The following MAGI1 variants were observed in gnomAD, a reference collection of about 807,000 sequenced individuals.
MAGI1 encodes membrane associated guanylate kinase, WW and PDZ domain containing 1.
MAGI1 carries 58 observed loss-of-function variants against 139.9 expected under a neutral mutation model. The ratio of observed to expected loss-of-function variants is 0.41; its 90% CI spans 0.34 to 0.52. The LOEUF (loss-of-function observed/expected upper bound fraction) is 0.52, where lower values mean the gene tolerates loss of function less well. Among genes scored for constraint, MAGI1 ranks in the 20% least tolerant of loss-of-function variants. The pLI is 0.12. For synonymous variants in MAGI1, 812 were observed against 737.9 expected, an observed-to-expected ratio of 1.10 and a Z score of -1.63; for missense variants, 1,874 against 1,901.6, an observed-to-expected ratio of 0.99 and a Z score of 0.27.
At chr3:66,028,617 T>C (rs1265197767) in intron 1 of MAGI1, among the ~76,000 whole-genome samples, 1 of 152,074 alleles carries the variant, frequency 6.6e-6, no homozygotes, top group East Asian at 1.9e-4. Flanking sequence ...TCATCGTTGA[T>C]GGTAAAAGCC....
intron 1 of MAGI1, among the ~76,000 whole-genome samples, chr3:65,761,458 C>A (rs1301305639): frequency 6.6e-6 from 1 of 152,148 alleles, no homozygotes; most frequent in South Asian, 2.1e-4. Flanking sequence ...TTCAGAACTG[C>A]AGCAAAATGC....
At chr3:65,967,775 T>A (rs1282506686) in intron 1 of MAGI1, among the ~76,000 whole-genome samples, 1 of 152,192 alleles carries the variant, frequency 6.6e-6, no homozygotes, top group Admixed American at 6.5e-5. Context: ...GTTAACAGAT[T>A]TCAACTTCTC....
At chr3:65,817,143 T>G (rs2041656894) in intron 1 of MAGI1, among the ~76,000 whole-genome samples, 1 of 152,194 alleles carries the variant, frequency 6.6e-6, no homozygotes, top group South Asian at 2.1e-4. Context: ...TATTATACAT[T>G]CCTTAATTTG....
chr3:65,623,873 A>C (rs1303747064), intron 1 of MAGI1, among the ~76,000 whole-genome samples: 2 of 152,152 alleles, frequency 1.3e-5, no homozygotes, highest in Non-Finnish European at 2.9e-5. Flanking sequence ...CATATATTCA[A>C]ACCAATCTTA....
chr3:65,786,608 A>ATTTTTTTTTTTTT (rs34768515), intron 1 of MAGI1, among the ~76,000 whole-genome samples: 2 of 128,372 alleles, frequency 1.6e-5, no homozygotes, highest in African/African-American at 3.0e-5. Flanking sequence ...TGGCCCAAGA[A>ATTTTTTTTTTTTT]TTTTTTTTTT....
chr3:65,508,856 T>TG (rs1324649621), intron 2 of MAGI1, among the ~76,000 whole-genome samples: 5 of 152,158 alleles, frequency 3.3e-5, no homozygotes, highest in Non-Finnish European at 7.3e-5. Flanking sequence ...TTCTCACTCT[T>TG]GGGTTCCATC....
intron 1 of MAGI1, among the ~76,000 whole-genome samples, chr3:65,998,097 T>C (rs1452996001): frequency 6.8e-6 from 1 of 147,642 alleles, no homozygotes; most frequent in Non-Finnish European, 1.5e-5. Context: ...AGCTAGACTC[T>C]GTCTCGGGAA....
chr3:65,753,112 G>T (rs1253737024), intron 1 of MAGI1, among the ~76,000 whole-genome samples: 3 of 152,074 alleles, frequency 2.0e-5, no homozygotes, highest in Admixed American at 6.5e-5. Context: ...AGGAACTTAC[G>T]TCATAGTGCA....
At chr3:65,521,760 G>C (rs1392270624) in intron 2 of MAGI1, among the ~76,000 whole-genome samples, 1 of 152,084 alleles carries the variant, frequency 6.6e-6, no homozygotes, top group Admixed American at 6.6e-5. Context: ...ATGTTGTAAG[G>C]CATTAGAAAG....
Position 65,530,662 on chromosome 3 carries a change from T to TAC in MAGI1, c.431-37032_431-37031insGT, listed in dbSNP as rs1491329024. On this transcript the variant is annotated intron_variant, in intron 2 of 22. Transcript: ENST00000402939. ...GTGTGTGTGTGTGTGTGTGTGTGTG[T>TAC]ATATATATATACATATATATATACG... is the stretch of plus-strand genomic sequence containing the variant. Among the ~76,000 whole-genome samples the TAC allele has an allele frequency of 6.0e-3, 764 of 126,554 alleles. 26 individuals carry two copies. The highest frequency in any genetic ancestry group is 0.024 in the African/African-American group (726 of 30,138). 83.0% of individuals were successfully genotyped at this position (126,554 alleles called of 152,430 possible).
intron 2 of MAGI1, among the ~76,000 whole-genome samples, chr3:65,558,774 A>AT (rs1250140154): frequency 6.6e-6 from 1 of 152,154 alleles, no homozygotes; most frequent in African/African-American, 2.4e-5. Flanking sequence ...GCAATCTACA[A>AT]TTTTAACCAC....
chr3:65,993,106 C>G (rs921875355), intron 1 of MAGI1, among the ~76,000 whole-genome samples: 1 of 152,138 alleles, frequency 6.6e-6, no homozygotes, highest in Admixed American at 6.5e-5. Flanking sequence ...GCTGGGACTA[C>G]ATGCACCTGG....
In MAGI1 at chr3:65,923,488, G is replaced by C. The variant is rs983035394; in HGVS notation, c.313+114508C>G. ...GATCCGCCCACCTCGGCCTCCCAAA[G>C]TGCTGGGATTACAGGCATGAGCCAC... On this transcript the variant is annotated intron_variant, in intron 1 of 22. Transcript: ENST00000402939. Among the ~76,000 whole-genome samples the C allele has an allele frequency of 2.0e-5, 3 of 152,024 alleles. No homozygotes were observed. In the East Asian group the frequency reaches 5.8e-4, roughly 29 times the overall value.
rs72891201 is a variant in MAGI1, at chr3:65,503,598, T to C, written c.431-9967A>G. Among the ~76,000 whole-genome samples, 416 of 150,986 alleles carry C rather than the reference T, an allele frequency of 2.8e-3. 1 individual carries two copies. The highest frequency in any genetic ancestry group is 9.2e-3 in the African/African-American group (384 of 41,514). On this transcript the variant is annotated intron_variant, in intron 2 of 22. Coordinates refer to ENST00000402939, the MANE Select transcript of MAGI1 (RefSeq NM_001033057.2). ...TATTTTATTCCAGCTATAACTTGCA[T>C]GTTTGGGATCAGCAGACCATTTCAG...
chr3:65,686,759 T>C (rs1308253262), intron 1 of MAGI1, among the ~76,000 whole-genome samples: 1 of 152,214 alleles, frequency 6.6e-6, no homozygotes, highest in East Asian at 1.9e-4. Context: ...GAACCAAGAA[T>C]CTTCCTTCAT....
At chr3:65,898,256 G>A (rs987848556) in intron 1 of MAGI1, among the ~76,000 whole-genome samples, 2 of 151,944 alleles carry the variant, frequency 1.3e-5, no homozygotes, top group East Asian at 3.9e-4. Flanking sequence ...GCATAACATC[G>A]AATTTTTATT....
At chr3:65,611,690 CAT>C (rs1000013278) in intron 2 of MAGI1, among the ~76,000 whole-genome samples, 5 of 134,440 alleles carry the variant, frequency 3.7e-5, no homozygotes, top group African/African-American at 1.4e-4. Context: ...TAGTGTCATA[CAT>C]GTGTATATAC....
chr3:65,620,214 T>C lies in MAGI1; in HGVS notation c.430+1758A>G, dbSNP rs544928384. 2.1e-4 allele frequency among the ~76,000 whole-genome samples: 32 copies of C among 152,330 alleles called. No homozygotes were observed. In the South Asian group the frequency reaches 5.6e-3, roughly 27 times the overall value. The stretch of plus-strand genomic sequence containing the variant: ...GGAAAAATTACACAGAGAACAATCA[T>C]GATTCTGCAATTACTGATTTCTGCA... On this transcript the variant is annotated intron_variant, in intron 2 of 22. Transcript: ENST00000402939.
chr3:65,950,787 GC>G (rs1303555648), intron 1 of MAGI1, among the ~76,000 whole-genome samples: 5 of 152,158 alleles, frequency 3.3e-5, no homozygotes, highest in Non-Finnish European at 7.3e-5. Flanking sequence ...ACAGAGGTAT[GC>G]ACTGTGTGCT....
Sources: allele counts gnomAD v4.1 joint callset (sites outside exome capture counted in the v4.1 genomes callset), GRCh38; gene constraint gnomAD v4.1.1; transcripts MANE v1.5; gene names NCBI Gene and HGNC (gene_info 2026-07-23, HGNC 2026-07-21).